The following PGM5 variants were observed in gnomAD, a reference collection of about 807,000 sequenced individuals.
PGM5 encodes phosphoglucomutase 5.
A neutral mutation model predicts 59.2 loss-of-function variants in PGM5; 23 were observed. The ratio of observed to expected loss-of-function variants is 0.39; its 90% CI spans 0.28 to 0.55. The LOEUF is 0.55. Among genes scored for constraint, PGM5 ranks in the 20% least tolerant of loss-of-function variants. PGM5 has a pLI of 0.66. For synonymous variants in PGM5, 214 were observed against 286.0 expected, an observed-to-expected ratio of 0.75 and a Z score of 2.54; for missense variants, 574 against 748.3, an observed-to-expected ratio of 0.77 and a Z score of 2.72.
At chr9:68,432,826 C>T (rs1256653259) in intron 6 of PGM5, among the ~76,000 whole-genome samples, 2 of 152,110 alleles carry the variant, frequency 1.3e-5, no homozygotes, top group Non-Finnish European at 2.9e-5. Context: ...AGGCTGGTAT[C>T]GAACTCCTGA....
chr9:68,401,846 C>A (rs1282921668), intron 6 of PGM5, among the ~76,000 whole-genome samples: 1 of 151,406 alleles, frequency 6.6e-6, no homozygotes, highest in Non-Finnish European at 1.5e-5. Flanking sequence ...TAAAAATGTT[C>A]CATATCTTGA....
At chr9:68,385,508 G>C (rs1442806707) in intron 3 of PGM5, among the ~76,000 whole-genome samples, 1 of 152,080 alleles carries the variant, frequency 6.6e-6, no homozygotes, top group Non-Finnish European at 1.5e-5. Flanking sequence ...GAGAAGTTTT[G>C]AGTCAGTTGT....
At chr9:68,457,730 G>A (rs1170048594) in intron 6 of PGM5, among the ~76,000 whole-genome samples, 4 of 152,204 alleles carry the variant, frequency 2.6e-5, no homozygotes, top group African/African-American at 9.7e-5. Flanking sequence ...GAGCTGTCAT[G>A]TCAGTAATTA....
In PGM5 at chr9:68,499,300, C is replaced by T. The variant is rs781798638; in HGVS notation, c.1553C>T (p.Thr518Ile). The T allele has an allele frequency of 5.6e-6, 9 of 1,614,068 alleles. No individual in the cohort carries two copies. Among genetic ancestry groups the T allele is most frequent in the Non-Finnish European group, 6.8e-6 (8 of 1,180,052 alleles). Reference sequence around the variant, plus strand: ...AGTTCCTCCAGTGGTGTGCGGGCCACCCTCAGACTGTACGCAGAGAGCTAC... The same window carrying T: ...AGTTCCTCCAGTGGTGTGCGGGCCATCCTCAGACTGTACGCAGAGAGCTAC... ...RLSSSSGVRA[T>I]LRLYAESYER... is the part of the protein sequence containing the mutation. The change falls in exon 10 of 11, where the codon ACC (threonine) becomes ATC (isoleucine). Residue 518 changes from threonine (T) to isoleucine (I), a missense_variant. Around this residue, in one of 7 missense-constraint regions of PGM5, gnomAD observed 300 missense variants for 280.0 expected, o/e 1.07. Transcript: ENST00000396396.
chr9:68,515,462 A>C (rs973426273), intron 10 of PGM5, among the ~76,000 whole-genome samples: 28 of 152,196 alleles, frequency 1.8e-4, no homozygotes, highest in Admixed American at 1.8e-3. Context: ...GTCCTTGCTA[A>C]CTTCTTTAGA....
intron 10 of PGM5, among the ~76,000 whole-genome samples, chr9:68,506,816 T>C (rs1824664806): frequency 6.6e-6 from 1 of 152,160 alleles, no homozygotes; most frequent in Non-Finnish European, 1.5e-5. Context: ...TGTGTGTACA[T>C]GCATGTGTGT....
intron 5 of PGM5, 119 bp from the exon 6 acceptor site, chr9:68,392,200 T>A: frequency 7.0e-7 from 1 of 1,419,624 alleles, no homozygotes; most frequent in South Asian, 1.3e-5. Flanking sequence ...CTCTTTGGCC[T>A]CATTCAAGTT....
At chr9:68,390,803 C>T (rs1822344809) in intron 4 of PGM5, among the ~76,000 whole-genome samples, 1 of 150,498 alleles carries the variant, frequency 6.6e-6, no homozygotes, top group South Asian at 2.1e-4. Flanking sequence ...GCTGCTTCTT[C>T]CTTGAAGCCT....
intron 8 of PGM5, among the ~76,000 whole-genome samples, chr9:68,483,520 A>C (rs1182983588): frequency 6.6e-6 from 1 of 152,178 alleles, no homozygotes; most frequent in Non-Finnish European, 1.5e-5. Flanking sequence ...CCAGTGAACA[A>C]TGATAAAAAG....
chr9:68,378,414 A>G, intron 2 of PGM5, 53 bp downstream of exon 2: 6 of 1,506,422 alleles, frequency 4.0e-6, no homozygotes, highest in Non-Finnish European at 5.3e-6. Context: ...CTCTTATATT[A>G]TTATAGTCTC....
chr9:68,382,495 C>T (rs1275878123), intron 2 of PGM5, among the ~76,000 whole-genome samples: 1 of 151,636 alleles, frequency 6.6e-6, no homozygotes, highest in Non-Finnish European at 1.5e-5. Context: ...GCTACAAAAG[C>T]AAAAACAAAT....
chr9:68,440,876 G>T (rs1554683646), intron 6 of PGM5, among the ~76,000 whole-genome samples: 1 of 151,856 alleles, frequency 6.6e-6, no homozygotes, highest in African/African-American at 2.4e-5. Flanking sequence ...AACAAAAGCT[G>T]GTTCTTTGGA....
rs1163231208 is a variant in PGM5 at position 68,415,318 on chromosome 9, T to G, written c.1043+22845T>G. On this transcript the variant is annotated intron_variant, in intron 6 of 10. Transcript: ENST00000396396. ...CTCTCAGAGAGAGGAACTGAGGTGGTTGTTCTGAGAGGCAGTGAGCAGGGA... is the reference window on the plus strand; with the variant it reads ...CTCTCAGAGAGAGGAACTGAGGTGGGTGTTCTGAGAGGCAGTGAGCAGGGA... Among the ~76,000 whole-genome samples the G allele has an allele frequency of 2.7e-5, 4 of 149,308 alleles. 1 individual carries two copies. The highest frequency in any genetic ancestry group is 1.0e-4 in the African/African-American group (4 of 38,920).
rs1437843801 is a variant in PGM5 at position 68,374,674 on chromosome 9, G to A, written c.262-3525G>A. On this transcript the variant is annotated intron_variant, in intron 1 of 10. Coordinates refer to ENST00000396396, the MANE Select transcript of PGM5 (RefSeq NM_021965.4). ...CCTCCCATCTGATCCTCCTCTTTCC[G>A]CTCCTGCCACTCTTCAAGGTATTTT... Among the ~76,000 whole-genome samples the A allele has an allele frequency of 5.3e-5, 8 of 151,392 alleles. No homozygotes were observed. In the East Asian group the frequency reaches 9.8e-4, roughly 19 times the overall value.
intron 10 of PGM5, among the ~76,000 whole-genome samples, chr9:68,514,676 A>G (rs1554689603): frequency 6.6e-6 from 1 of 152,142 alleles, no homozygotes; most frequent in Non-Finnish European, 1.5e-5. Flanking sequence ...CCTGTGATGG[A>G]TGACCTTTGG....
chr9:68,462,159 T>C (rs1823867046), intron 6 of PGM5, among the ~76,000 whole-genome samples: 1 of 152,110 alleles, frequency 6.6e-6, no homozygotes, highest in Admixed American at 6.6e-5. Context: ...CAGGTTACCT[T>C]TCTTTTTTTC....
intron 1 of PGM5, among the ~76,000 whole-genome samples, chr9:68,370,615 T>C (rs1412012663): frequency 6.6e-6 from 1 of 152,204 alleles, no homozygotes; most frequent in Non-Finnish European, 1.5e-5. Flanking sequence ...TGTAAAGGAA[T>C]AGAAATGCTG....
chr9:68,509,640 C>A (rs1173054035), intron 10 of PGM5, among the ~76,000 whole-genome samples: 19 of 152,268 alleles, frequency 1.2e-4, no homozygotes, highest in East Asian at 3.9e-4. Context: ...CAGGAGGCAG[C>A]ATGAGCAAAG....
At chr9:68,387,139 T>G (rs1373986876) in intron 3 of PGM5, among the ~76,000 whole-genome samples, 1 of 151,930 alleles carries the variant, frequency 6.6e-6, no homozygotes. Context: ...TGCATTTTTT[T>G]GGGAGGGAAA....
Sources: gnomAD v4.1 joint callset for allele counts (sites outside exome capture counted in the v4.1 genomes callset) on GRCh38, gnomAD v4.1.1 for gene constraint, gnomAD v4.1.1 regional missense constraint, MANE v1.5 for transcripts, NCBI Gene and HGNC (gene_info 2026-07-23, HGNC 2026-07-21) for gene names.